The following HIPK3 variants were observed in gnomAD, a reference collection of about 807,000 sequenced individuals.
HIPK3 encodes the protein homeodomain-interacting protein kinase 3.
HIPK3 carries 47 observed loss-of-function variants against 124.2 expected under a neutral mutation model. The observed-to-expected ratio is 0.38, with a 90% CI of 0.30 to 0.48. HIPK3 has a LOEUF of 0.48. Ranked by LOEUF, HIPK3 falls within the 20% of genes least tolerant of loss-of-function variation. The probability of loss-of-function intolerance (pLI) is 0.98; values close to 1 mark genes in which losing one functional copy is unlikely to be tolerated. For missense variants in HIPK3, 1,286 were observed against 1,454.3 expected (o/e 0.88, Z 1.88); for synonymous variants, 482 against 515.2 (o/e 0.94, Z 0.87).
rs562334045 is a variant in HIPK3 at position 33,335,844 on chromosome 11, A to T, written c.1222-1231A>T. 7.9e-5 allele frequency: 12 copies of T among 152,160 alleles called. No individual in the cohort carries two copies. In the East Asian group the frequency reaches 2.3e-3, roughly 29 times the overall value. 9.4% of individuals were successfully genotyped at this position (152,160 alleles called of 1,614,324 possible). ...TTTTAGTAAGAAGGAAGGATGGAAA[A>T]ACAATTTTAGCCCCCAGAGATCTCT... is the stretch of plus-strand genomic sequence containing the variant. On this transcript the variant is annotated intron_variant, in intron 3 of 16. Coordinates refer to ENST00000303296, the MANE Select transcript of HIPK3 (RefSeq NM_005734.5).
At chr11:33,347,223 TTAAAA>T in intron 8 of HIPK3, 65 bp from the exon 9 acceptor site, 1 of 1,438,104 alleles carries the variant, frequency 7.0e-7, no homozygotes, top group East Asian at 2.5e-5. Context: ...TTCTTGACAT[TTAAAA>T]TAATTGTATA....
chr11:33,306,133 C>T (rs189834816), intron 2 of HIPK3, among the ~76,000 whole-genome samples: 1 of 152,244 alleles, frequency 6.6e-6, no homozygotes, highest in Non-Finnish European at 1.5e-5. Flanking sequence ...ATCTAATATA[C>T]TTAAATGAGA....
intron 3 of HIPK3, among the ~76,000 whole-genome samples, chr11:33,329,894 C>T (rs1479617153): frequency 6.6e-6 from 1 of 152,184 alleles, no homozygotes; most frequent in Admixed American, 6.5e-5. Flanking sequence ...GTAGATTAGC[C>T]TATGGCATGC....
chr11:33,279,505 TA>T, intron 1 of HIPK3, among the ~76,000 whole-genome samples: 1 of 152,038 alleles, frequency 6.6e-6, no homozygotes, highest in East Asian at 1.9e-4. Flanking sequence ...TTATGTGTAG[TA>T]AAAAAAGATG....
chr11:33,320,511 A>G (rs1019374440), intron 2 of HIPK3, among the ~76,000 whole-genome samples: 1 of 152,204 alleles, frequency 6.6e-6, no homozygotes, highest in Non-Finnish European at 1.5e-5. Flanking sequence ...TAGAATGAGA[A>G]GAGATGGTAG....
chr11:33,281,132 C>G (rs185708770), intron 1 of HIPK3, among the ~76,000 whole-genome samples: 2 of 140,814 alleles, frequency 1.4e-5, no homozygotes, highest in East Asian at 4.4e-4. Flanking sequence ...TGCAGTGGCA[C>G]GATCTTGGCT....
At position 33,308,613 on chromosome 11, in the gene HIPK3, G is replaced by GGGGGT. The variant is rs1554965207; in HGVS notation, c.1098-19896_1098-19895insGGGTG. The stretch of plus-strand genomic sequence containing the variant: ...CTTGATCTACAGGTGTGTGCCTAGG[G>GGGGGT]GTGTGTGTGTGTGTGTGTGTGTGTG... On this transcript the variant is annotated intron_variant, in intron 2 of 16. Transcript: ENST00000303296. Among the ~76,000 whole-genome samples, 20 of 147,374 alleles carry GGGGGT rather than the reference G, an allele frequency of 1.4e-4. No homozygotes were observed. The Admixed American group carries it at 1.4e-3, about 10-fold the overall frequency.
chr11:33,320,850 C>G (rs758976048), intron 2 of HIPK3, among the ~76,000 whole-genome samples: 3 of 152,018 alleles, frequency 2.0e-5, no homozygotes, highest in Non-Finnish European at 4.4e-5. Flanking sequence ...AATAAACATT[C>G]AAAAAGAAGT....
At chr11:33,348,366 A>G in intron 12 of HIPK3, 138 bp downstream of exon 12, 1 of 1,011,970 alleles carries the variant, frequency 9.9e-7, no homozygotes, top group Non-Finnish European at 1.4e-6. Flanking sequence ...TTCTAGAGCT[A>G]TTTTATATTT....
At chr11:33,302,341 T>A (rs1852027570) in intron 2 of HIPK3, among the ~76,000 whole-genome samples, 1 of 142,754 alleles carries the variant, frequency 7.0e-6, no homozygotes, top group South Asian at 2.3e-4. Context: ...ATTCCTTACT[T>A]CTTTTTTTTT....
chr11:33,314,482 G>A (rs993883917), intron 2 of HIPK3, among the ~76,000 whole-genome samples: 3 of 152,134 alleles, frequency 2.0e-5, no homozygotes, highest in African/African-American at 4.8e-5. Flanking sequence ...GTAAAAACCC[G>A]TCTCTACTAA....
chr11:33,345,821 C>T (rs540680765), intron 8 of HIPK3, among the ~76,000 whole-genome samples: 20 of 152,168 alleles, frequency 1.3e-4, no homozygotes, highest in African/African-American at 4.6e-4. Flanking sequence ...AGTAAGGTAA[C>T]AGTCTCAGTG....
intron 2 of HIPK3, among the ~76,000 whole-genome samples, chr11:33,322,681 C>T (rs1411160481): frequency 6.6e-6 from 1 of 152,224 alleles, no homozygotes; most frequent in African/African-American, 2.4e-5. Flanking sequence ...CAAAAATTAG[C>T]CTGGCATGGT....
chr11:33,344,768 G>T (rs1199461041), intron 8 of HIPK3, among the ~76,000 whole-genome samples: 1 of 152,194 alleles, frequency 6.6e-6, no homozygotes. Context: ...GGCTCTGTAA[G>T]TATGTTGTTT....
chr11:33,287,293 C>T lies in HIPK3; in HGVS notation c.879C>T (p.Pro293=). Residue 293 remains proline, a synonymous_variant, in exon 2 of 17, where the codon CCC becomes CCT. Coordinates refer to ENST00000303296, the MANE Select transcript of HIPK3 (RefSeq NM_005734.5). The part of the protein sequence containing the change: ...YDFLKQNKFS[P]LPLKVIRPIL... ...TTCTGAAACAAAATAAATTTAGTCC[C>T]CTGCCACTAAAAGTGATTCGGCCCA... The T allele has an allele frequency of 6.2e-7, 1 of 1,614,040 alleles. No homozygotes were observed.
intron 2 of HIPK3, among the ~76,000 whole-genome samples, chr11:33,312,453 TAA>T (rs1186210710): frequency 3.3e-5 from 5 of 152,202 alleles, no homozygotes; most frequent in African/African-American, 1.2e-4. Context: ...GAATTTCATT[TAA>T]AATACAGATT....
chr11:33,338,664 G>A (rs1247453013), intron 4 of HIPK3, 93 bp from the exon 5 acceptor site: 11 of 607,796 alleles, frequency 1.8e-5, no homozygotes, highest in African/African-American at 3.8e-5. Context: ...ATTACTATTT[G>A]CCTTAGAATA....
intron 1 of HIPK3, among the ~76,000 whole-genome samples, chr11:33,278,851 GA>G (rs35666212): frequency 0.021 from 3,031 of 146,146 alleles, 59 homozygotes; most frequent in Non-Finnish European, 0.032. Flanking sequence ...CTCAAAAAAG[GA>G]AAAAAAAAAT....
chr11:33,307,448 G>A (rs1042956753), intron 2 of HIPK3, among the ~76,000 whole-genome samples: 1 of 149,672 alleles, frequency 6.7e-6, no homozygotes, highest in Non-Finnish European at 1.5e-5. Context: ...GCCCAGGCTG[G>A]AGTGCAGTGG....
Sources: allele counts gnomAD v4.1 joint callset (sites outside exome capture counted in the v4.1 genomes callset), GRCh38; gene constraint gnomAD v4.1.1; transcripts MANE v1.5; gene names NCBI Gene and HGNC (gene_info 2026-07-23, HGNC 2026-07-21).